Variants in AP3S2 observed in about 807,000 individuals in gnomAD.
AP3S2 encodes AP-3 complex subunit sigma-2.
In AP3S2, 22 loss-of-function variants were observed where a neutral mutation model predicts 23.4. The observed-to-expected ratio is 0.94, with a 90% CI of 0.67 to 1.34. The LOEUF (loss-of-function observed/expected upper bound fraction) is 1.34, where lower values mean the gene tolerates loss of function less well. Among genes scored for constraint, AP3S2 ranks in the 40% most tolerant of loss-of-function variants. The pLI is 0.00. For missense variants in AP3S2, 241 were observed against 236.9 expected, an observed-to-expected ratio of 1.02 and a Z score of -0.11; for synonymous variants, 86 against 87.1, an observed-to-expected ratio of 0.99 and a Z score of 0.07.
At chr15:89,881,524 T>C (rs1896569528) in intron 3 of AP3S2, among the ~76,000 whole-genome samples, 1 of 152,128 alleles carries the variant, frequency 6.6e-6, no homozygotes, top group African/African-American at 2.4e-5. Flanking sequence ...ACAACACACA[T>C]CCAGATTTTA....
chr15:89,878,897 G>A (rs1279280160), intron 3 of AP3S2, among the ~76,000 whole-genome samples: 6 of 152,062 alleles, frequency 3.9e-5, no homozygotes, highest in East Asian at 1.9e-4. Flanking sequence ...CAGACGTCCC[G>A]CACAATGGCC....
At chr15:89,879,983 G>A (rs1896533040) in intron 3 of AP3S2, among the ~76,000 whole-genome samples, 1 of 137,228 alleles carries the variant, frequency 7.3e-6, no homozygotes. Flanking sequence ...TTTTTGAGAT[G>A]GAGTCTCACT....
chr15:89,870,228 T>C (rs564431089), intron 4 of AP3S2, among the ~76,000 whole-genome samples: 32 of 152,180 alleles, frequency 2.1e-4, no homozygotes, highest in Non-Finnish European at 4.1e-4. Flanking sequence ...CTTTAACATA[T>C]GAAAAGTACA....
At chr15:89,886,541 A>G (rs1449632731) in intron 3 of AP3S2, 9 of 152,118 alleles carry the variant, frequency 5.9e-5, no homozygotes, top group Admixed American at 5.9e-4. Context: ...GGCAATGCTA[A>G]TCTTTTCTGC....
intron 4 of AP3S2, among the ~76,000 whole-genome samples, chr15:89,840,660 T>A (rs1345498780): frequency 6.6e-6 from 1 of 152,160 alleles, no homozygotes; most frequent in African/African-American, 2.4e-5. Flanking sequence ...ACTCCTGACC[T>A]CAGATGATCC....
chr15:89,872,123 AAAAAAAG>A (rs1443575095), intron 3 of AP3S2, among the ~76,000 whole-genome samples: 2 of 151,648 alleles, frequency 1.3e-5, no homozygotes, highest in South Asian at 2.1e-4. Flanking sequence ...TCTCAAAAAA[AAAAAAAG>A]AAAAAAGAAA....
chr15:89,838,652 C>T lies in AP3S2; in HGVS notation c.346-930G>A, dbSNP rs185820627. ...GGTGCTTTCGGTCAAGTTGGGAAGA[C>T]AGCAAGTACAACCTTCTATTGTTAA... is the stretch of plus-strand genomic sequence containing the variant. On this transcript the variant is annotated intron_variant, in intron 4 of 5. Coordinates refer to ENST00000336418, the MANE Select transcript of AP3S2 (RefSeq NM_005829.5). 2.2e-3 allele frequency among the ~76,000 whole-genome samples: 342 copies of T among 152,304 alleles called. 1 individual carries two copies. The highest frequency in any genetic ancestry group is 7.9e-3 in the African/African-American group (330 of 41,558).
chr15:89,835,704 A>T, intron 5 of AP3S2, 61 bp from the exon 6 acceptor site: 11 of 439,086 alleles, frequency 2.5e-5, no homozygotes, highest in Admixed American at 1.5e-4. Flanking sequence ...TTAATGCTAA[A>T]AAAAAAAAAA....
At chr15:89,879,960 CA>C (rs1282848324) in intron 3 of AP3S2, among the ~76,000 whole-genome samples, 4 of 144,966 alleles carry the variant, frequency 2.8e-5, no homozygotes, top group African/African-American at 9.9e-5. Flanking sequence ...ACATACTCTT[CA>C]TTTTTTTTTT....
Position 89,840,617 on chromosome 15 carries a change from G to A in AP3S2, c.346-2895C>T, listed in dbSNP as rs1391941318. Among the ~76,000 whole-genome samples, 5 of 152,000 alleles carry A rather than the reference G, an allele frequency of 3.3e-5. No homozygotes were observed. The East Asian group carries it at 5.8e-4, about 18-fold the overall frequency. On this transcript the variant is annotated intron_variant, in intron 4 of 5. Coordinates refer to ENST00000336418, the MANE Select transcript of AP3S2 (RefSeq NM_005829.5). Reference sequence around the variant, plus strand: ...TAATTTTTATATTTTTAGTAGAGTCGGGGTTTCCTCATGTTGGCCAGGCTG... The same window carrying A: ...TAATTTTTATATTTTTAGTAGAGTCAGGGTTTCCTCATGTTGGCCAGGCTG...
chr15:89,858,180 G>A (rs1003862168), intron 4 of AP3S2, among the ~76,000 whole-genome samples: 6 of 151,924 alleles, frequency 3.9e-5, no homozygotes, highest in African/African-American at 1.2e-4. Flanking sequence ...GCTCACACCT[G>A]CAATCCCAGC....
intron 3 of AP3S2, chr15:89,886,398 AT>A (rs1896702974): frequency 6.6e-6 from 1 of 152,176 alleles, no homozygotes; most frequent in African/African-American, 2.4e-5. Flanking sequence ...GTCTTTTTGT[AT>A]TGTTAATACA....
rs570321989 is a variant in AP3S2 at position 89,840,759 on chromosome 15, C to T, written c.346-3037G>A. 3.9e-5 allele frequency among the ~76,000 whole-genome samples: 6 copies of T among 152,266 alleles called. No homozygotes were observed. The South Asian group carries it at 1.2e-3, about 32-fold the overall frequency. On this transcript the variant is annotated intron_variant, in intron 4 of 5. Transcript: ENST00000336418. ...CACTTTATATATGAAGAAATTGATACATTTTATATATGAGGAAAAGGCAAT... is the reference window on the plus strand; with the variant it reads ...CACTTTATATATGAAGAAATTGATATATTTTATATATGAGGAAAAGGCAAT...
chr15:89,877,395 C>T (rs1355045598), intron 3 of AP3S2: 10 of 1,290,840 alleles, frequency 7.7e-6, no homozygotes, highest in Non-Finnish European at 1.0e-5. Flanking sequence ...GGGTGTTGCA[C>T]TGGCTTTTCT....
chr15:89,855,117 G>A (rs1895793730), intron 4 of AP3S2, among the ~76,000 whole-genome samples: 1 of 136,176 alleles, frequency 7.3e-6, no homozygotes, highest in African/African-American at 2.8e-5. Flanking sequence ...TTGAGAAATC[G>A]GATGGTTGCC....
chr15:89,868,811 G>A (rs1896234995), intron 4 of AP3S2, among the ~76,000 whole-genome samples: 1 of 131,836 alleles, frequency 7.6e-6, no homozygotes, highest in Non-Finnish European at 1.6e-5. Context: ...CCCCGTCCGG[G>A]AGGGAGGTGG....
intron 3 of AP3S2, among the ~76,000 whole-genome samples, chr15:89,880,291 G>A (rs1225546014): frequency 6.6e-6 from 1 of 152,012 alleles, no homozygotes; most frequent in Non-Finnish European, 1.5e-5. Context: ...AATTATTCAA[G>A]AATACATATG....
chr15:89,842,738 A>G (rs7175516), intron 4 of AP3S2, among the ~76,000 whole-genome samples: 94 of 151,468 alleles, frequency 6.2e-4, no homozygotes, highest in African/African-American at 2.3e-3. Context: ...TCAGCCTCCC[A>G]AGTAGCTGGG....
intron 1 of AP3S2, among the ~76,000 whole-genome samples, chr15:89,891,588 G>A (rs935684251): frequency 6.6e-6 from 1 of 151,640 alleles, no homozygotes; most frequent in Non-Finnish European, 1.5e-5. Context: ...GAACCCGGGA[G>A]GCAGAGGTTA....
Sources: gnomAD v4.1 joint callset for allele counts (sites outside exome capture counted in the v4.1 genomes callset) on GRCh38, gnomAD v4.1.1 for gene constraint, MANE v1.5 for transcripts, NCBI Gene and HGNC (gene_info 2026-07-23, HGNC 2026-07-21) for gene names.